Variants in MLYCD observed in about 807,000 individuals in gnomAD.
The protein encoded by MLYCD is malonyl-CoA decarboxylase, mitochondrial.
A neutral mutation model predicts 35.8 loss-of-function variants in MLYCD; 27 were observed. The ratio of observed to expected loss-of-function variants is 0.75; its 90% CI spans 0.56 to 1.04. MLYCD has a LOEUF of 1.04. MLYCD is among the 50% of genes least tolerant of loss of function. The pLI is 0.00. For synonymous variants in MLYCD, 403 were observed against 302.4 expected, an observed-to-expected ratio of 1.33 and a Z score of -3.45; for missense variants, 917 against 665.1, an observed-to-expected ratio of 1.38 and a Z score of -4.17.
At chr16:83,910,726 G>A (rs1005638725) in intron 3 of MLYCD, among the ~76,000 whole-genome samples, 24 of 151,972 alleles carry the variant, frequency 1.6e-4, no homozygotes, top group Non-Finnish European at 2.8e-4. Context: ...ATAAGCCTGG[G>A]AGTGATGTGA....
At position 83,899,643 on chromosome 16, in the gene MLYCD, C is replaced by G. The variant is rs1338925931; in HGVS notation, c.499C>G (p.Leu167Val). The G allele has an allele frequency of 1.9e-6, 3 of 1,550,230 alleles. No individual in the cohort carries two copies. Among genetic ancestry groups the G allele is most frequent in the Admixed American group, 3.8e-5 (2 of 52,874 alleles). The stretch of plus-strand genomic sequence containing the variant: ...GGCCGACCTGCTGGAGGCGCAGGCC[C>G]TCAAGCTGGTGGAGGGGCCGGACGT... The part of the protein sequence containing the change: ...LRADLLEAQA[L>V]KLVEGPDVRE... Residue 167 changes from leucine to valine, a missense_variant, in exon 1 of 5, where the codon CTC becomes GTC. Coordinates refer to ENST00000262430, the MANE Select transcript of MLYCD (RefSeq NM_012213.3).
intron 1 of MLYCD, among the ~76,000 whole-genome samples, chr16:83,901,802 T>A (rs893317455): frequency 6.6e-6 from 1 of 152,166 alleles, no homozygotes; most frequent in Admixed American, 6.5e-5. Context: ...TTCACAAGTT[T>A]CCTTGCTTTT....
rs1046520163 is a variant in MLYCD at position 83,922,634 on chromosome 16, C to G, written c.*7145C>G. On this transcript the variant is annotated 3_prime_UTR_variant, in exon 5 of 5. Coordinates refer to ENST00000262430, the MANE Select transcript of MLYCD (RefSeq NM_012213.3). ...TAAGTGGCAGTAACCATAGTACCGA[C>G]CCCACAGCCTGCTGAGAGGCTCAAA... The G allele has an allele frequency of 6.6e-6, 1 of 152,236 alleles. No homozygotes were observed. The highest frequency in any genetic ancestry group is 2.4e-5 in the African/African-American group (1 of 41,424). 9.4% of individuals were successfully genotyped at this position (152,236 alleles called of 1,614,324 possible). A position where few individuals can be genotyped will look rare whatever the true frequency, so the allele number is the denominator to read the frequency against.
chr16:83,901,638 C>G (rs1906789541), intron 1 of MLYCD, among the ~76,000 whole-genome samples: 1 of 152,172 alleles, frequency 6.6e-6, no homozygotes, highest in African/African-American at 2.4e-5. Context: ...GGAATACATC[C>G]TTTTGTTCTT....
rs1021776926 is a variant in MLYCD, at chr16:83,919,834, G to A, written c.*4345G>A. The A allele has an allele frequency of 2.0e-5, 3 of 151,888 alleles. No homozygotes were observed. Among genetic ancestry groups the A allele is most frequent in the Non-Finnish European group, 2.9e-5 (2 of 68,234 alleles). The allele number at this position is 151,888 out of a possible 1,614,324, so 9.4% of individuals were successfully genotyped here. On this transcript the variant is annotated 3_prime_UTR_variant, in exon 5 of 5. Transcript: ENST00000262430. ...TGCACAGGAGAACACGCAGTGCACA[G>A]GAGAACATGCAATGCACGGGAGAAC...
chr16:83,904,256 T>TG (rs923187638), intron 1 of MLYCD, among the ~76,000 whole-genome samples: 1 of 152,324 alleles, frequency 6.6e-6, no homozygotes, highest in African/African-American at 2.4e-5. Flanking sequence ...GTTCCTAAAC[T>TG]GGGGTACAGA....
rs201414709 is a variant in MLYCD at position 83,915,369 on chromosome 16, C to T, written c.1362C>T (p.Tyr454=). 1.8e-5 allele frequency: 29 copies of T among 1,613,854 alleles called. 1 individual carries two copies. The East Asian group carries it at 5.6e-4, about 31-fold the overall frequency. ...ITGSCGLMAN[Y]RYFLEETGPN... is the part of the protein sequence containing the mutation. ...GCTCCTGCGGCCTGATGGCCAACTACCGCTACTTCCTGGAGGAGACGGGCC... is the reference window on the plus strand; with the variant it reads ...GCTCCTGCGGCCTGATGGCCAACTATCGCTACTTCCTGGAGGAGACGGGCC... Residue 454 remains tyrosine, a synonymous_variant, in exon 5 of 5, where the codon TAC becomes TAT. Transcript: ENST00000262430.
chr16:83,910,564 C>T (rs947909237), intron 3 of MLYCD, among the ~76,000 whole-genome samples: 3 of 151,970 alleles, frequency 2.0e-5, no homozygotes, highest in Admixed American at 6.6e-5. Context: ...GTGGTGTGCA[C>T]CTGTAGCCCC....
In MLYCD at chr16:83,919,746, A is replaced by T. The variant is rs1483815956; in HGVS notation, c.*4257A>T. ...AGTGCACAGAACACACAGTGCACAG[A>T]ACACACGGTGCACAGGAGAACACAT... On this transcript the variant is annotated 3_prime_UTR_variant, in exon 5 of 5. Coordinates refer to ENST00000262430, the MANE Select transcript of MLYCD (RefSeq NM_012213.3). 2.0e-5 allele frequency: 3 copies of T among 146,874 alleles called. No individual in the cohort carries two copies. Among genetic ancestry groups the T allele is most frequent in the Non-Finnish European group, 4.4e-5 (3 of 68,070 alleles). The allele number at this position is 146,874 out of a possible 1,614,324, so 9.1% of individuals were successfully genotyped here.
Position 83,908,379 on chromosome 16 carries a change from T to G in MLYCD, c.798+97T>G, listed in dbSNP as rs184622223. On this transcript the variant is annotated intron_variant, in intron 3 of 4. Coordinates refer to ENST00000262430, the MANE Select transcript of MLYCD (RefSeq NM_012213.3). The stretch of plus-strand genomic sequence containing the variant: ...TTTTTACTTGATTTTATCCTCCTTT[T>G]TTTTTTTTTTAAATAAATGGTTTTG... 2.7e-5 allele frequency: 38 copies of G among 1,421,512 alleles called. 1 individual carries two copies. In the Admixed American group the frequency reaches 8.9e-4, roughly 33 times the overall value. 88.1% of individuals were successfully genotyped at this position (1,421,512 alleles called of 1,614,324 possible).
rs1309955636 is a variant in MLYCD, at chr16:83,905,054, C to T, written c.529-1933C>T. ...AAACCTGCAACTCTTTCTCAGGCGT[C>T]AAAGTTCTGAGTCCTTTCACCCTTT... is the stretch of plus-strand genomic sequence containing the variant. On this transcript the variant is annotated intron_variant, in intron 1 of 4. Coordinates refer to ENST00000262430, the MANE Select transcript of MLYCD (RefSeq NM_012213.3). Among the ~76,000 whole-genome samples the T allele has an allele frequency of 2.0e-5, 3 of 152,188 alleles. No individual in the cohort carries two copies. In the East Asian group the frequency reaches 5.8e-4, roughly 29 times the overall value.
chr16:83,916,102 T>A lies in MLYCD; in HGVS notation c.*613T>A. 1.0e-6 allele frequency: 1 copy of A among 995,788 alleles called. No homozygotes were observed. Among genetic ancestry groups the A allele is most frequent in the Non-Finnish European group, 1.2e-6 (1 of 834,838 alleles). The allele number at this position is 995,788 out of a possible 1,614,324, so 61.7% of individuals were successfully genotyped here. ...GTTGCTGCTTGAGGCATAAGTTGGA[T>A]AATAGGCTTTAAATGATCAGGGATT... On this transcript the variant is annotated 3_prime_UTR_variant, in exon 5 of 5. Coordinates refer to ENST00000262430, the MANE Select transcript of MLYCD (RefSeq NM_012213.3).
chr16:83,902,154 C>CATATATATATATATATAT (rs1555537762), intron 1 of MLYCD, among the ~76,000 whole-genome samples: 1 of 84,454 alleles, frequency 1.2e-5, no homozygotes, highest in African/African-American at 4.3e-5. Flanking sequence ...TGTGTGCGTG[C>CATATATATATATATATAT]GTATATATAT....
intron 3 of MLYCD, among the ~76,000 whole-genome samples, chr16:83,911,411 C>A (rs555902901): frequency 3.5e-4 from 53 of 152,326 alleles, no homozygotes; most frequent in African/African-American, 1.3e-3. Flanking sequence ...TAAATGGGTT[C>A]TTCAAAAGTA....
chr16:83,902,217 TTTTG>T (rs1411771701), intron 1 of MLYCD, among the ~76,000 whole-genome samples: 5 of 146,902 alleles, frequency 3.4e-5, no homozygotes, highest in Non-Finnish European at 7.5e-5. Context: ...GTTTACGGTT[TTTTG>T]TTTGTGTTTA....
intron 1 of MLYCD, among the ~76,000 whole-genome samples, chr16:83,903,148 T>C (rs563470471): frequency 6.6e-6 from 1 of 152,206 alleles, no homozygotes; most frequent in East Asian, 1.9e-4. Flanking sequence ...TGGAAAGGGT[T>C]CCTCATGGGC....
At position 83,906,289 on chromosome 16, in the gene MLYCD, G is replaced by T. The variant is rs1003474855; in HGVS notation, c.529-698G>T. 3.3e-5 allele frequency among the ~76,000 whole-genome samples: 5 copies of T among 152,184 alleles called. No homozygotes were observed. The South Asian group carries it at 1.0e-3, about 32-fold the overall frequency. On this transcript the variant is annotated intron_variant, in intron 1 of 4. Transcript: ENST00000262430. Reference sequence around the variant, plus strand: ...ACCTGCAGTCCCAGCTACTTGGGGGGCTGAGACAGGAGGACCACATGAGCC... The same window carrying T: ...ACCTGCAGTCCCAGCTACTTGGGGGTCTGAGACAGGAGGACCACATGAGCC...
chr16:83,908,541 T>C (rs1221970120), intron 3 of MLYCD, among the ~76,000 whole-genome samples: 2 of 152,164 alleles, frequency 1.3e-5, no homozygotes, highest in Non-Finnish European at 2.9e-5. Flanking sequence ...AGTTAAAGTC[T>C]ATCACAGAAC....
chr16:83,905,140 TTG>T (rs1285733641), intron 1 of MLYCD, among the ~76,000 whole-genome samples: 1 of 152,072 alleles, frequency 6.6e-6, no homozygotes, highest in Non-Finnish European at 1.5e-5. Context: ...GGAGAATCGC[TTG>T]AACCTAGGGA....
Sources: gnomAD v4.1 joint callset for allele counts (sites outside exome capture counted in the v4.1 genomes callset) on GRCh38, gnomAD v4.1.1 for gene constraint, MANE v1.5 for transcripts, NCBI Gene and HGNC (gene_info 2026-07-23, HGNC 2026-07-21) for gene names.